Variants in NCAM1 observed in about 807,000 individuals in gnomAD.
NCAM1 encodes neural cell adhesion molecule 1.
In NCAM1, 14 loss-of-function variants were observed where a neutral mutation model predicts 109.8. The observed-to-expected ratio is 0.13, with a 90% CI of 0.08 to 0.20. The LOEUF (loss-of-function observed/expected upper bound fraction) is 0.20. Among genes scored for constraint, NCAM1 ranks in the 10% least tolerant of loss-of-function variants. The pLI is 1.00. For synonymous variants in NCAM1, 418 were observed against 442.9 expected, an observed-to-expected ratio of 0.94 and a Z score of 0.70; for missense variants, 774 against 1,109.9, an observed-to-expected ratio of 0.70 and a Z score of 4.30.
chr11:113,093,898 T>A (rs1008366275), intron 1 of NCAM1, among the ~76,000 whole-genome samples: 5 of 152,214 alleles, frequency 3.3e-5, no homozygotes, highest in Non-Finnish European at 7.3e-5. Flanking sequence ...CTTCGCTCTG[T>A]GGTCTTCCAG....
At position 113,233,904 on chromosome 11, in the gene NCAM1, C is replaced by G. The variant is rs938193571; in HGVS notation, c.1693+587C>G. 2.4e-4 allele frequency among the ~76,000 whole-genome samples: 37 copies of G among 152,282 alleles called. No homozygotes were observed. Among genetic ancestry groups the G allele is most frequent in the African/African-American group, 7.2e-4 (30 of 41,540 alleles). ...GAGGATAATGTGTGCTTATGTTGGA[C>G]TCCCCTTTTTGGGTTTAATTGGAAT... is the stretch of plus-strand genomic sequence containing the variant. On this transcript the variant is annotated intron_variant, in intron 13 of 19. Coordinates refer to ENST00000316851, the MANE Select transcript of NCAM1 (RefSeq NM_181351.5). This position sits in a 1 kb window ranked among gnomAD's most constrained non-coding sequence, Gnocchi z 4.5.
chr11:113,113,269 T>C (rs192222699), intron 1 of NCAM1, among the ~76,000 whole-genome samples: 1 of 152,280 alleles, frequency 6.6e-6, no homozygotes, highest in East Asian at 1.9e-4. Context: ...GATAAACCCA[T>C]AGATTATTTT....
intron 7 of NCAM1, among the ~76,000 whole-genome samples, chr11:113,211,228 G>T (rs1190993277): frequency 2.6e-5 from 4 of 152,164 alleles, no homozygotes; most frequent in African/African-American, 9.7e-5. Flanking sequence ...ATCACTGGGG[G>T]AGAAATGGGA....
intron 8 of NCAM1, among the ~76,000 whole-genome samples, chr11:113,218,824 CA>C (rs1341641933): frequency 6.6e-6 from 1 of 152,196 alleles, no homozygotes; most frequent in Non-Finnish European, 1.5e-5. Context: ...TTACATTGAC[CA>C]AAAAAATTGA....
At chr11:113,244,957 C>T (rs755690583) in intron 14 of NCAM1, among the ~76,000 whole-genome samples, 63 of 152,132 alleles carry the variant, frequency 4.1e-4, no homozygotes, top group Non-Finnish European at 7.5e-4. Context: ...TGCCCTTCTC[C>T]CTCAGCCTCA....
intron 1 of NCAM1, among the ~76,000 whole-genome samples, chr11:113,089,850 A>G (rs1239014182): frequency 6.6e-6 from 1 of 152,218 alleles, no homozygotes; most frequent in Non-Finnish European, 1.5e-5. Flanking sequence ...TGTTTTGATG[A>G]AACAAACCAA....
chr11:113,012,138 C>A lies in NCAM1; in HGVS notation c.52+50474C>A, dbSNP rs373019701. On this transcript the variant is annotated intron_variant, in intron 1 of 19. Transcript: ENST00000316851. ...GGTTCAAGTGGCTCTCATGCCTCAGCCTCCTGAGGAGCTGGGACTATAAGC... is the reference window on the plus strand; with the variant it reads ...GGTTCAAGTGGCTCTCATGCCTCAGACTCCTGAGGAGCTGGGACTATAAGC... Among the ~76,000 whole-genome samples, 9 of 152,160 alleles carry A rather than the reference C, an allele frequency of 5.9e-5. No homozygotes were observed. In the East Asian group the frequency reaches 1.2e-3, roughly 20 times the overall value.
intron 14 of NCAM1, chr11:113,240,631 T>C: frequency 7.0e-6 from 5 of 717,976 alleles, no homozygotes; most frequent in Non-Finnish European, 9.9e-6. Flanking sequence ...GCTAGTGCCC[T>C]GGCCAGCTGT....
At chr11:113,075,102 T>G (rs1844415673) in intron 1 of NCAM1, among the ~76,000 whole-genome samples, 1 of 152,158 alleles carries the variant, frequency 6.6e-6, no homozygotes. Context: ...GATCTCACTC[T>G]GTCACCCAGG....
chr11:113,196,248 A>G (rs1943852305), intron 1 of NCAM1, among the ~76,000 whole-genome samples: 1 of 152,212 alleles, frequency 6.6e-6, no homozygotes, highest in Admixed American at 6.5e-5. Flanking sequence ...CGGTTTTTAC[A>G]GACAAGAAAA....
rs2137833663 is a variant in NCAM1, at chr11:113,277,708, C to A, written c.*2321C>A. On this transcript the variant is annotated 3_prime_UTR_variant, in exon 20 of 20. Coordinates refer to ENST00000316851, the MANE Select transcript of NCAM1 (RefSeq NM_181351.5). ...GATGGTTAGGAAGAAACAGGTCAGCCCTCAGATCACCTGGCCCGGGACAGC... is the reference window on the plus strand; with the variant it reads ...GATGGTTAGGAAGAAACAGGTCAGCACTCAGATCACCTGGCCCGGGACAGC... The A allele has an allele frequency of 3.1e-6, 1 of 321,768 alleles. No homozygotes were observed. Among genetic ancestry groups the A allele is most frequent in the East Asian group, 4.6e-5 (1 of 21,608 alleles). The allele number at this position is 321,768 out of a possible 1,614,324, so 19.9% of individuals were successfully genotyped here. A position where few individuals can be genotyped will look rare whatever the true frequency, so the allele number is the denominator to read the frequency against.
At chr11:113,016,720 G>A (rs554094518) in intron 1 of NCAM1, among the ~76,000 whole-genome samples, 2 of 152,118 alleles carry the variant, frequency 1.3e-5, no homozygotes, top group African/African-American at 2.4e-5. Context: ...GGAGGGAGAC[G>A]GTGAGGAGGT....
At position 113,271,680 on chromosome 11, in the gene NCAM1, G is replaced by T. The variant is rs1946278257; in HGVS notation, c.2340-80G>T. On this transcript the variant is annotated intron_variant, in intron 18 of 19. Coordinates refer to ENST00000316851, the MANE Select transcript of NCAM1 (RefSeq NM_181351.5). ...CTGGATGCCCACCGTGCCAGCCTTGGGTTGAGTCATAGCTGCTCTTCCGTG... is the reference window on the plus strand; with the variant it reads ...CTGGATGCCCACCGTGCCAGCCTTGTGTTGAGTCATAGCTGCTCTTCCGTG... 15 of 1,078,238 alleles carry T rather than the reference G, an allele frequency of 1.4e-5. 1 individual carries two copies. In the South Asian group the frequency reaches 2.1e-4, roughly 15 times the overall value. The allele number at this position is 1,078,238 out of a possible 1,614,324, so 66.8% of individuals were successfully genotyped here. A position where few individuals can be genotyped will look rare whatever the true frequency, so the allele number is the denominator to read the frequency against.
intron 17 of NCAM1, 188 bp from the exon 18 acceptor site, chr11:113,270,000 G>A (rs1476875380): frequency 3.3e-6 from 2 of 613,462 alleles, no homozygotes; most frequent in Admixed American, 5.7e-5. Context: ...CCTCCCTCTG[G>A]AAGGTATAGA....
At chr11:113,106,563 G>T (rs1940175670) in intron 1 of NCAM1, among the ~76,000 whole-genome samples, 1 of 152,142 alleles carries the variant, frequency 6.6e-6, no homozygotes, top group South Asian at 2.1e-4. Context: ...TTATCATCTG[G>T]TATATCTGCT....
chr11:113,083,118 CT>C (rs1263952664), intron 1 of NCAM1, among the ~76,000 whole-genome samples: 1 of 151,498 alleles, frequency 6.6e-6, no homozygotes, highest in African/African-American at 2.4e-5. Flanking sequence ...GTTATTTGTG[CT>C]TGTTTAGTTT....
intron 14 of NCAM1, chr11:113,242,888 G>A (rs782716813): frequency 1.7e-5 from 27 of 1,613,224 alleles, no homozygotes; most frequent in Admixed American, 3.3e-5. Flanking sequence ...ACCTCTGATC[G>A]CTTGTTGTAG....
chr11:113,131,385 G>A (rs1352171951), intron 1 of NCAM1, among the ~76,000 whole-genome samples: 5 of 152,012 alleles, frequency 3.3e-5, no homozygotes, highest in African/African-American at 7.3e-5. Flanking sequence ...CTCCTCACTG[G>A]GCTTCCAGGA....
chr11:113,053,086 G>C (rs1423207926), intron 1 of NCAM1, among the ~76,000 whole-genome samples: 1 of 152,266 alleles, frequency 6.6e-6, no homozygotes, highest in East Asian at 1.9e-4. Flanking sequence ...CCCCCAACTT[G>C]TGCCTATGTC....
Sources: gnomAD v4.1 joint callset for allele counts (sites outside exome capture counted in the v4.1 genomes callset) on GRCh38, gnomAD v4.1.1 for gene constraint, Gnocchi (gnomAD v3.1) non-coding constraint, MANE v1.5 for transcripts, NCBI Gene and HGNC (gene_info 2026-07-23, HGNC 2026-07-21) for gene names.